MMP25: variants seen among roughly 807,000 people sequenced by gnomAD.
The protein encoded by MMP25 is matrix metalloproteinase-25.
A neutral mutation model predicts 62.1 loss-of-function variants in MMP25; 68 were observed. The observed-to-expected ratio is 1.10, with a 90% CI of 0.90 to 1.34. MMP25 has a LOEUF of 1.34. Ranked by LOEUF, MMP25 falls within the 40% of genes most tolerant of loss-of-function variation. MMP25 has a pLI of 0.00. For missense variants in MMP25, 942 were observed against 792.5 expected (o/e 1.19, Z -2.26); for synonymous variants, 407 against 345.6 (o/e 1.18, Z -1.97).
chr16:3,057,843 C>T (rs1212876752), intron 7 of MMP25: 2 of 595,910 alleles, frequency 3.4e-6, no homozygotes, highest in East Asian at 5.7e-5. Context: ...GGACCACAGG[C>T]ACATGCCACC....
chr16:3,058,549 G>C lies in MMP25; in HGVS notation c.1297G>C (p.Gly433Arg), dbSNP rs1956056674. ...PQNGKTYLVR[G>R]RQYWRYDEAA... ...GAACGGGAAGACCTACCTGGTCCGC[G>C]GCCGGCAGTACTGGCGCTACGACGA... is the stretch of plus-strand genomic sequence containing the variant. The change falls in exon 9 of 10, where the codon GGC (glycine) becomes CGC (arginine). Residue 433 changes from glycine to arginine, a missense_variant. Transcript: ENST00000336577. 4 of 1,610,930 alleles carry C rather than the reference G, an allele frequency of 2.5e-6. No homozygotes were observed. Among genetic ancestry groups the C allele is most frequent in the Non-Finnish European group, 3.4e-6 (4 of 1,179,296 alleles).
intron 7 of MMP25, 114 bp from the exon 8 acceptor site, chr16:3,058,067 A>G (rs1486500015): frequency 7.8e-7 from 1 of 1,288,230 alleles, no homozygotes; most frequent in African/African-American, 1.5e-5. Flanking sequence ...GTCACCCTAG[A>G]TCCATTGCGC....
At chr16:3,056,387 CT>C (rs1317525456) in intron 4 of MMP25, among the ~76,000 whole-genome samples, 2 of 120,010 alleles carry the variant, frequency 1.7e-5, no homozygotes, top group Non-Finnish European at 3.6e-5. Context: ...CTTTTATTTT[CT>C]TTTTCTTTTT....
intron 7 of MMP25, chr16:3,057,943 T>G (rs1315923267): frequency 3.4e-6 from 2 of 580,348 alleles, no homozygotes; most frequent in Non-Finnish European, 6.0e-6. Flanking sequence ...GCTCAGGTGA[T>G]TCTCCGGTGT....
At position 3,059,243 on chromosome 16, in the gene MMP25, T is replaced by C; in HGVS notation, c.*145T>C. On this transcript the variant is annotated 3_prime_UTR_variant, in exon 10 of 10. Transcript: ENST00000336577. ...GGGCGCGGACTAAGCAGGGGGGATCTCCCGCGCAGGGGCGGCGGCGGCGGG... is the reference window on the plus strand; with the variant it reads ...GGGCGCGGACTAAGCAGGGGGGATCCCCCGCGCAGGGGCGGCGGCGGCGGG... The C allele has an allele frequency of 1.0e-6, 1 of 966,418 alleles. No individual in the cohort carries two copies. The highest frequency in any genetic ancestry group is 1.4e-6 in the Non-Finnish European group (1 of 708,970). The allele number at this position is 966,418 out of a possible 1,614,324, so 59.9% of individuals were successfully genotyped here.
Position 3,059,276 on chromosome 16 carries a change from C to G in MMP25, c.*178C>G. 1.4e-6 allele frequency: 1 copy of G among 729,498 alleles called. No homozygotes were observed. Among genetic ancestry groups the G allele is most frequent in the African/African-American group, 1.9e-5 (1 of 53,770 alleles). The allele number at this position is 729,498 out of a possible 1,614,324, so 45.2% of individuals were successfully genotyped here. On this transcript the variant is annotated 3_prime_UTR_variant, in exon 10 of 10. Coordinates refer to ENST00000336577, the MANE Select transcript of MMP25 (RefSeq NM_022468.5). The stretch of plus-strand genomic sequence containing the variant: ...AGGGGCGGCGGCGGCGGGGACCGGT[C>G]GCCTGGCGCTGGGCTCAGTCTCCTC...
In MMP25 at chr16:3,057,215, G is replaced by C. The variant is rs1326257900; in HGVS notation, c.838+6G>C. 1 of 1,613,310 alleles carries C rather than the reference G, an allele frequency of 6.2e-7. No homozygotes were observed. The highest frequency in any genetic ancestry group is 1.1e-5 in the South Asian group (1 of 90,960). ...TGGCCTGCAGCAACTCTATGGTAGG[G>C]GGAGAGGGACCTGCCGCGAAACCAT... On this transcript the variant is annotated splice_donor_region_variant and intron_variant, in intron 5 of 9. Transcript: ENST00000336577.
intron 5 of MMP25, 39 bp downstream of exon 5, chr16:3,057,248 C>G: frequency 6.2e-7 from 1 of 1,613,942 alleles, no homozygotes; most frequent in East Asian, 2.2e-5. Context: ...CATCATTGCC[C>G]CATCCAGTGT....
In MMP25 at chr16:3,047,017, G is replaced by T; in HGVS notation, c.99+1G>T. 6.9e-7 allele frequency: 1 copy of T among 1,442,252 alleles called. No homozygotes were observed. The highest frequency in any genetic ancestry group is 9.0e-7 in the Non-Finnish European group (1 of 1,105,282). 89.3% of individuals were successfully genotyped at this position (1,442,252 alleles called of 1,614,324 possible). A position where few individuals can be genotyped will look rare whatever the true frequency, so the allele number is the denominator to read the frequency against. Reference sequence around the variant, plus strand: ...GGCGCAGGACGTGAGCCTGGGCGTGGTGAGCGCGGGGTCCGCAGGCTCCTG... The same window carrying T: ...GGCGCAGGACGTGAGCCTGGGCGTGTTGAGCGCGGGGTCCGCAGGCTCCTG... On this transcript the variant is annotated splice_donor_variant, in intron 1 of 9. Transcript: ENST00000336577. LOFTEE classifies it high-confidence loss of function.
At position 3,057,580 on chromosome 16, in the gene MMP25, G is replaced by T. The variant is rs1183477855; in HGVS notation, c.973G>T (p.Ala325Ser). 1.2e-6 allele frequency: 2 copies of T among 1,614,008 alleles called. No individual in the cohort carries two copies. The highest frequency in any genetic ancestry group is 1.7e-6 in the Non-Finnish European group (2 of 1,180,034). ...DRCEGNFDAI[A>S]NIRGETFFFK... ...ATGTGAGGGCAATTTTGACGCCATCGCCAACATCCGAGGGGAAACTTTCTT... is the reference window on the plus strand; with the variant it reads ...ATGTGAGGGCAATTTTGACGCCATCTCCAACATCCGAGGGGAAACTTTCTT... The change falls in exon 7 of 10, where the codon GCC (alanine) becomes TCC (serine). Residue 325 changes from alanine (A) to serine (S), a missense_variant. Coordinates refer to ENST00000336577, the MANE Select transcript of MMP25 (RefSeq NM_022468.5).
At chr16:3,049,305 T>A (rs1327717342) in intron 2 of MMP25, among the ~76,000 whole-genome samples, 1 of 152,054 alleles carries the variant, frequency 6.6e-6, no homozygotes, top group East Asian at 1.9e-4. Flanking sequence ...TGGGGTTAAG[T>A]GGGCAGGAAG....
In MMP25 at chr16:3,059,281, G is replaced by C; in HGVS notation, c.*183G>C. On this transcript the variant is annotated 3_prime_UTR_variant, in exon 10 of 10. Transcript: ENST00000336577. ...CGGCGGCGGCGGGGACCGGTCGCCT[G>C]GCGCTGGGCTCAGTCTCCTCAGGGT... 1 of 692,632 alleles carries C rather than the reference G, an allele frequency of 1.4e-6. No homozygotes were observed. Among genetic ancestry groups the C allele is most frequent in the Non-Finnish European group, 2.2e-6 (1 of 452,592 alleles). 42.9% of individuals were successfully genotyped at this position (692,632 alleles called of 1,614,324 possible). A position where few individuals can be genotyped will look rare whatever the true frequency, so the allele number is the denominator to read the frequency against.
chr16:3,059,265 C>A lies in MMP25; in HGVS notation c.*167C>A. ...ATCTCCCGCGCAGGGGCGGCGGCGGCGGGGACCGGTCGCCTGGCGCTGGGC... is the reference window on the plus strand; with the variant it reads ...ATCTCCCGCGCAGGGGCGGCGGCGGAGGGGACCGGTCGCCTGGCGCTGGGC... On this transcript the variant is annotated 3_prime_UTR_variant, in exon 10 of 10. Coordinates refer to ENST00000336577, the MANE Select transcript of MMP25 (RefSeq NM_022468.5). 1.3e-6 allele frequency: 1 copy of A among 778,338 alleles called. No individual in the cohort carries two copies. The highest frequency in any genetic ancestry group is 1.9e-6 in the Non-Finnish European group (1 of 534,862). The allele number at this position is 778,338 out of a possible 1,614,324, so 48.2% of individuals were successfully genotyped here. A position where few individuals can be genotyped will look rare whatever the true frequency, so the allele number is the denominator to read the frequency against.
chr16:3,057,772 C>T (rs1299432620), intron 7 of MMP25, 159 bp downstream of exon 7: 1 of 690,418 alleles, frequency 1.4e-6, no homozygotes, highest in Non-Finnish European at 2.5e-6. Flanking sequence ...GATCATGGCT[C>T]ACTGCAGCCT....
At chr16:3,055,549 T>C (rs1033617830) in intron 4 of MMP25, among the ~76,000 whole-genome samples, 2 of 152,164 alleles carry the variant, frequency 1.3e-5, no homozygotes, top group African/African-American at 4.8e-5. Context: ...TGTGCCTCAG[T>C]TTCCTCCTCT....
At chr16:3,055,222 G>A (rs932900911) in intron 4 of MMP25, among the ~76,000 whole-genome samples, 1 of 152,098 alleles carries the variant, frequency 6.6e-6, no homozygotes, top group Non-Finnish European at 1.5e-5. Context: ...GTGGGGCTGG[G>A]TCTGCACAGC....
At position 3,059,914 on chromosome 16, in the gene MMP25, C is replaced by G. The variant is rs1382208432; in HGVS notation, c.*816C>G. 1.3e-5 allele frequency: 2 copies of G among 152,526 alleles called. No homozygotes were observed. The highest frequency in any genetic ancestry group is 4.8e-5 in the African/African-American group (2 of 41,418). The allele number at this position is 152,526 out of a possible 1,614,324, so 9.4% of individuals were successfully genotyped here. On this transcript the variant is annotated 3_prime_UTR_variant, in exon 10 of 10. Transcript: ENST00000336577. Reference sequence around the variant, plus strand: ...CAGGCCACCCAACTTGGGCACCTCCCTGGGCCCAGAACTGCCTTCCATTCA... The same window carrying G: ...CAGGCCACCCAACTTGGGCACCTCCGTGGGCCCAGAACTGCCTTCCATTCA...
rs1324612768 is a variant in MMP25, at chr16:3,060,256, C to T, written c.*1158C>T. The T allele has an allele frequency of 1.3e-5, 2 of 152,168 alleles. No homozygotes were observed. Among genetic ancestry groups the T allele is most frequent in the African/African-American group, 4.8e-5 (2 of 41,424 alleles). 9.4% of individuals were successfully genotyped at this position (152,168 alleles called of 1,614,324 possible). On this transcript the variant is annotated 3_prime_UTR_variant, in exon 10 of 10. Coordinates refer to ENST00000336577, the MANE Select transcript of MMP25 (RefSeq NM_022468.5). ...TTTAAGTTTGCAGATCCCACACTCA[C>T]CCTGAATCCTCACTCAGGGTGGGGT...
chr16:3,049,270 G>A (rs541447776), intron 2 of MMP25, among the ~76,000 whole-genome samples: 1 of 152,206 alleles, frequency 6.6e-6, no homozygotes, highest in East Asian at 1.9e-4. Context: ...GTATATTTTG[G>A]AGGCAGGGCC....
Sources: allele counts gnomAD v4.1 joint callset (sites outside exome capture counted in the v4.1 genomes callset), GRCh38; gene constraint gnomAD v4.1.1; transcripts MANE v1.5; gene names NCBI Gene and HGNC (gene_info 2026-07-23, HGNC 2026-07-21).